The following RNASET2 variants were observed in gnomAD, a reference collection of about 807,000 sequenced individuals.
The protein encoded by RNASET2 is ribonuclease T2.
A neutral mutation model predicts 33.9 loss-of-function variants in RNASET2; 28 were observed. The ratio of observed to expected loss-of-function variants is 0.83; its 90% CI spans 0.61 to 1.13. The LOEUF is 1.13. Among genes scored for constraint, RNASET2 ranks in the 50% most tolerant of loss-of-function variants. The pLI, the probability that RNASET2 is intolerant of heterozygous loss-of-function variation, is 0.00. For synonymous variants in RNASET2, 123 were observed against 121.0 expected, an observed-to-expected ratio of 1.02 and a Z score of -0.11; for missense variants, 330 against 319.9, an observed-to-expected ratio of 1.03 and a Z score of -0.24.
chr6:166,927,005 C>T lies in RNASET2; in HGVS notation c.*2583G>A, dbSNP rs1347960143. Among the ~76,000 whole-genome samples the T allele has an allele frequency of 6.6e-6, 1 of 152,208 alleles. No homozygotes were observed. Among genetic ancestry groups the T allele is most frequent in the African/African-American group, 2.4e-5 (1 of 41,454 alleles). ...AGCTCTGATCCCAGAGCCTGGCCTG[C>T]TCCTCCTTCCACACATACGAGCCTG... On this transcript the variant is annotated 3_prime_UTR_variant, in exon 9 of 9. Coordinates refer to ENST00000508775, the MANE Select transcript of RNASET2 (RefSeq NM_003730.6).
At chr6:166,955,235 GCACGCA>G (rs1361190701) in intron 1 of RNASET2, among the ~76,000 whole-genome samples, 88 of 95,434 alleles carry the variant, frequency 9.2e-4, no homozygotes, top group Middle Eastern at 6.3e-3. Flanking sequence ...ACACACGCAC[GCACGCA>G]CACACACGCA....
intron 2 of RNASET2, 95 bp downstream of exon 2, chr6:166,952,393 C>A: frequency 1.8e-6 from 2 of 1,096,476 alleles, no homozygotes; most frequent in Non-Finnish European, 2.8e-6. Context: ...ACCTCCCGCA[C>A]CAGCAGCGTG....
chr6:166,949,569 C>A (rs1258802842), intron 2 of RNASET2, among the ~76,000 whole-genome samples: 6 of 145,830 alleles, frequency 4.1e-5, no homozygotes, highest in African/African-American at 1.0e-4. Flanking sequence ...ATAAGTGAAA[C>A]TGCATTTTCA....
rs756482825 is a variant in RNASET2 at position 166,922,821 on chromosome 6, A to G, written c.*6767T>C. On this transcript the variant is annotated 3_prime_UTR_variant, in exon 9 of 9. Transcript: ENST00000508775. Reference sequence around the variant, plus strand: ...CATCTCAGGGTGCAGTCCAAGACATATGGTCATCAAGACAGAAGAGCAGAT... The same window carrying G: ...CATCTCAGGGTGCAGTCCAAGACATGTGGTCATCAAGACAGAAGAGCAGAT... Among the ~76,000 whole-genome samples, 10 of 152,302 alleles carry G rather than the reference A, an allele frequency of 6.6e-5. 1 individual carries two copies. The highest frequency in any genetic ancestry group is 6.8e-3 in the Middle Eastern group (2 of 294).
chr6:166,952,428 A>G (rs1018284261), intron 2 of RNASET2, 60 bp downstream of exon 2: 2 of 1,484,296 alleles, frequency 1.3e-6, no homozygotes, highest in Non-Finnish European at 1.9e-6. Flanking sequence ...GCACGTGCAC[A>G]CAAACCCCTC....
intron 7 of RNASET2, 49 bp from the exon 8 acceptor site, chr6:166,931,167 T>C: frequency 7.7e-7 from 1 of 1,300,664 alleles, no homozygotes. Context: ...ACAGAAAAGA[T>C]CTGACAGTTC....
chr6:166,942,058 C>CTTTTTTTTTTTTTTTT (rs61635852), intron 5 of RNASET2, among the ~76,000 whole-genome samples: 2 of 127,218 alleles, frequency 1.6e-5, no homozygotes, highest in African/African-American at 6.1e-5. Flanking sequence ...AAGACATCTT[C>CTTTTTTTTTTTTTTTT]TTTTTTTTTT....
chr6:166,951,433 T>C (rs982210784), intron 2 of RNASET2, among the ~76,000 whole-genome samples: 2 of 152,210 alleles, frequency 1.3e-5, no homozygotes, highest in Admixed American at 1.3e-4. Flanking sequence ...TCTAACTCCC[T>C]TTCCCAGTCT....
At chr6:166,934,314 G>C in intron 6 of RNASET2, 178 bp from the exon 7 acceptor site, 1 of 621,548 alleles carries the variant, frequency 1.6e-6, no homozygotes, top group South Asian at 1.8e-5. Context: ...CCCAGTCCCC[G>C]CCTTCCCCAC....
At chr6:166,942,773 C>T (rs987990529) in intron 5 of RNASET2, among the ~76,000 whole-genome samples, 1 of 152,122 alleles carries the variant, frequency 6.6e-6, no homozygotes, top group Non-Finnish European at 1.5e-5. Flanking sequence ...TAATAAATAC[C>T]ATACAGGTTA....
chr6:166,954,780 G>A (rs1386233974), intron 1 of RNASET2, among the ~76,000 whole-genome samples: 3 of 152,222 alleles, frequency 2.0e-5, no homozygotes, highest in Admixed American at 6.5e-5. Context: ...TTGGGAGGCC[G>A]AGGCGGGCGG....
Position 166,926,533 on chromosome 6 carries a change from CA to C in RNASET2, c.*3054del, listed in dbSNP as rs11388348. Among the ~76,000 whole-genome samples, 9,032 of 128,210 alleles carry C rather than the reference CA, an allele frequency of 0.07. 267 individuals are homozygous for C. The highest frequency in any genetic ancestry group is 0.097 in the African/African-American group (3,241 of 33,462). The allele number at this position is 128,210 out of a possible 152,430, so 84.1% of individuals were successfully genotyped here. A position where few individuals can be genotyped will look rare whatever the true frequency, so the allele number is the denominator to read the frequency against. On this transcript the variant is annotated 3_prime_UTR_variant, in exon 9 of 9. Transcript: ENST00000508775. Reference sequence around the variant, plus strand: ...TGGGCGACAGAGTGAGACTCAGTCTCAAAAAAAAAAAAAAAGAAAAGAAAAG... The same window carrying C: ...TGGGCGACAGAGTGAGACTCAGTCTCAAAAAAAAAAAAAAGAAAAGAAAAG...
At chr6:166,934,567 CTG>C in intron 6 of RNASET2, 1 of 231,884 alleles carries the variant, frequency 4.3e-6, no homozygotes, top group Non-Finnish European at 8.6e-6. Flanking sequence ...CAGTGAAGGC[CTG>C]CATGTACGAG....
In RNASET2 at chr6:166,926,237, T is replaced by C. The variant is rs192349549; in HGVS notation, c.*3351A>G. Among the ~76,000 whole-genome samples the C allele has an allele frequency of 7.7e-4, 114 of 148,550 alleles. No individual in the cohort carries two copies. The Middle Eastern group carries it at 0.011, about 14-fold the overall frequency. On this transcript the variant is annotated 3_prime_UTR_variant, in exon 9 of 9. Transcript: ENST00000508775. ...ACCGAGATGGAGGCAAAAGTTTCGG[T>C]GGAAAGATAAGATACCTGGGCCAGG...
At chr6:166,946,436 C>A (rs1778846540) in intron 4 of RNASET2, among the ~76,000 whole-genome samples, 1 of 152,226 alleles carries the variant, frequency 6.6e-6, no homozygotes, top group Admixed American at 6.5e-5. Context: ...GTCGGAGCCC[C>A]TCGCTCAGGC....
chr6:166,955,373 ACGCACACGCACACACACACACG>A (rs1452168484), intron 1 of RNASET2: 2 of 242,354 alleles, frequency 8.3e-6, no homozygotes. Flanking sequence ...GCACACACAA[ACGCACACGCACACACACACACG>A]CGCACACACA....
chr6:166,946,511 A>C, intron 4 of RNASET2, 171 bp downstream of exon 4: 1 of 637,596 alleles, frequency 1.6e-6, no homozygotes, highest in Non-Finnish European at 2.8e-6. Flanking sequence ...CAATTGGTGT[A>C]ATTTGTGGGG....
At chr6:166,942,815 C>T (rs1778723104) in intron 5 of RNASET2, among the ~76,000 whole-genome samples, 1 of 152,168 alleles carries the variant, frequency 6.6e-6, no homozygotes, top group African/African-American at 2.4e-5. Context: ...ATTCCACTTG[C>T]TTTCAATTTT....
Position 166,930,967 on chromosome 6 carries a change from T to C in RNASET2, c.567+77A>G. 7.1e-6 allele frequency: 7 copies of C among 983,814 alleles called. No homozygotes were observed. The South Asian group carries it at 7.6e-5, about 11-fold the overall frequency. 60.9% of individuals were successfully genotyped at this position (983,814 alleles called of 1,614,324 possible). A position where few individuals can be genotyped will look rare whatever the true frequency, so the allele number is the denominator to read the frequency against. ...TACAAGTCTGCCCCAGGGAACTGCA[T>C]GGTGAAGACAAGGCCATCAGAAAAG... is the stretch of plus-strand genomic sequence containing the variant. On this transcript the variant is annotated intron_variant, in intron 8 of 8. Coordinates refer to ENST00000508775, the MANE Select transcript of RNASET2 (RefSeq NM_003730.6).
Sources: gnomAD v4.1 joint callset for allele counts (sites outside exome capture counted in the v4.1 genomes callset) on GRCh38, gnomAD v4.1.1 for gene constraint, MANE v1.5 for transcripts, NCBI Gene and HGNC (gene_info 2026-07-23, HGNC 2026-07-21) for gene names.